Variants in HEXB observed in about 807,000 individuals in gnomAD.
HEXB encodes the protein beta-hexosaminidase subunit beta.
Under a neutral mutation model 71.2 loss-of-function variants are expected in HEXB, and 51 were observed. The ratio of observed to expected loss-of-function variants is 0.72; its 90% CI spans 0.57 to 0.90. The LOEUF (loss-of-function observed/expected upper bound fraction) is 0.90. HEXB is among the 40% of genes least tolerant of loss of function. The probability of loss-of-function intolerance (pLI) is 0.00; values close to 1 mark genes in which losing one functional copy is unlikely to be tolerated. For missense variants in HEXB, 617 were observed against 677.0 expected, an observed-to-expected ratio of 0.91 and a Z score of 0.98; for synonymous variants, 266 against 249.3, an observed-to-expected ratio of 1.07 and a Z score of -0.63.
At chr5:74,711,978 A>G (rs1749553607) in intron 6 of HEXB, among the ~76,000 whole-genome samples, 1 of 148,080 alleles carries the variant, frequency 6.8e-6, no homozygotes, top group Non-Finnish European at 1.5e-5. Context: ...AGACACATGC[A>G]CACGTATGTT....
intron 1 of HEXB, among the ~76,000 whole-genome samples, chr5:74,679,297 G>T (rs1409553087): frequency 6.6e-6 from 1 of 152,210 alleles, no homozygotes; most frequent in African/African-American, 2.4e-5. Flanking sequence ...GGCTTGAAGA[G>T]ACTCACTTTA....
intron 6 of HEXB, among the ~76,000 whole-genome samples, chr5:74,711,380 G>C (rs1330151906): frequency 9.3e-5 from 14 of 150,244 alleles, no homozygotes; most frequent in Admixed American, 3.3e-4. Context: ...CATGGGCAAG[G>C]ACTTCATGTC....
Position 74,718,842 on chromosome 5 carries a change from C to G in HEXB, c.1288C>G (p.Pro430Ala). The G allele has an allele frequency of 6.2e-7, 1 of 1,614,078 alleles. No homozygotes were observed. ...TGAAGTATGGAAAGACAGCGCATAT[C>G]CTGAGGAACTCAGTAGAGTCACAGC... ...IVEVWKDSAY[P>A]EELSRVTASG... is the part of the protein sequence containing the mutation. Residue 430 changes from proline to alanine, a missense_variant, in exon 11 of 14, where the codon CCT becomes GCT. By Grantham distance (27) the Pro-to-Ala change is conservative. Transcript: ENST00000261416.
chr5:74,716,589 A>C lies in HEXB; in HGVS notation c.1085A>C (p.Glu362Ala), dbSNP rs370165925. ...GGDEVEFKCW[E>A]SNPKIQDFMR... is the part of the protein sequence containing the mutation. Reference sequence around the variant, plus strand: ...ATTTTAATCACTTTTTGCTTCAGGGAATCAAATCCAAAAATTCAAGATTTC... The same window carrying C: ...ATTTTAATCACTTTTTGCTTCAGGGCATCAAATCCAAAAATTCAAGATTTC... Residue 362 changes from glutamate to alanine, a missense_variant and splice_region_variant, in exon 9 of 14, where the codon GAA (glutamate) becomes GCA (alanine). Physicochemically the swap from Glu to Ala is moderately radical, Grantham distance 107. Coordinates refer to ENST00000261416, the MANE Select transcript of HEXB (RefSeq NM_000521.4). The C allele has an allele frequency of 4.9e-5, 78 of 1,598,112 alleles. No individual in the cohort carries two copies. The highest frequency in any genetic ancestry group is 6.5e-5 in the Non-Finnish European group (76 of 1,167,954).
intron 1 of HEXB, among the ~76,000 whole-genome samples, chr5:74,643,640 G>A (rs1294553788): frequency 1.3e-5 from 2 of 152,174 alleles, no homozygotes; most frequent in African/African-American, 2.4e-5. Context: ...TTGTTAGGCC[G>A]CAAAATAAGC....
intron 1 of HEXB, among the ~76,000 whole-genome samples, chr5:74,658,942 C>T (rs1168216988): frequency 6.6e-6 from 1 of 152,134 alleles, no homozygotes; most frequent in Non-Finnish European, 1.5e-5. Flanking sequence ...CCTTGAGCCT[C>T]ACAGTTTGGC....
intron 1 of HEXB, among the ~76,000 whole-genome samples, chr5:74,654,010 G>A (rs949325406): frequency 2.6e-5 from 4 of 152,016 alleles, no homozygotes; most frequent in Admixed American, 6.6e-5. Context: ...TCCTATGGAC[G>A]CCAGCTTGAG....
At chr5:74,709,167 C>T (rs1447237690) in intron 6 of HEXB, among the ~76,000 whole-genome samples, 1 of 152,214 alleles carries the variant, frequency 6.6e-6, no homozygotes, top group African/African-American at 2.4e-5. Context: ...TACATGGAAA[C>T]TGAACAACCT....
chr5:74,669,878 G>T lies in HEXB; in HGVS notation c.-376-19450G>T, dbSNP rs7702691. Among the ~76,000 whole-genome samples the T allele has an allele frequency of 6.0e-4, 92 of 152,298 alleles. No homozygotes were observed. In the East Asian group the frequency reaches 0.014, roughly 22 times the overall value. ...GGAGAAAAAGAACTAGAAGGTAGTG[G>T]GCGATGCAGAGACAGGCCAGGAGCC... On this transcript the variant is annotated intron_variant, in intron 1 of 13. Transcript: ENST00000511181.
intron 1 of HEXB, among the ~76,000 whole-genome samples, chr5:74,644,764 CTTTTTTT>C (rs3058406): frequency 1.0e-3 from 73 of 72,950 alleles, no homozygotes; most frequent in African/African-American, 3.5e-3. Flanking sequence ...CTTTTTTTTC[CTTTTTTT>C]TTTTTTTTTT....
chr5:74,704,214 G>A (rs373220168), intron 5 of HEXB, among the ~76,000 whole-genome samples: 2 of 152,238 alleles, frequency 1.3e-5, no homozygotes. Flanking sequence ...CCTTCTCTGA[G>A]AGTGAAAACC....
chr5:74,718,620 T>G (rs944178121), intron 10 of HEXB, among the ~76,000 whole-genome samples, 177 bp from the exon 11 acceptor site: 1 of 152,214 alleles, frequency 6.6e-6, no homozygotes, highest in East Asian at 1.9e-4. Context: ...ATGAAACTTT[T>G]AAGTCCCTAA....
At chr5:74,702,582 T>A (rs1409403864) in intron 5 of HEXB, among the ~76,000 whole-genome samples, 1 of 152,256 alleles carries the variant, frequency 6.6e-6, no homozygotes, top group Non-Finnish European at 1.5e-5. Context: ...TGTTCACTTA[T>A]AACTTGCCTA....
intron 8 of HEXB, 39 bp downstream of exon 8, chr5:74,715,729 A>AG: frequency 4.9e-6 from 7 of 1,424,416 alleles, no homozygotes; most frequent in South Asian, 2.3e-5. Flanking sequence ...AAAAAAAAAA[A>AG]AGAGAGGCTG....
At chr5:74,654,856 T>C (rs1455690556) in intron 1 of HEXB, among the ~76,000 whole-genome samples, 1 of 152,122 alleles carries the variant, frequency 6.6e-6, no homozygotes, top group Non-Finnish European at 1.5e-5. Flanking sequence ...GGGGCTACAC[T>C]AAGAGAGAGG....
intron 6 of HEXB, among the ~76,000 whole-genome samples, chr5:74,710,316 C>G (rs897218670): frequency 7.9e-5 from 12 of 151,306 alleles, no homozygotes; most frequent in African/African-American, 2.4e-4. Flanking sequence ...CTATGACAAA[C>G]CCCCAGCCAA....
At chr5:74,685,143 C>T, upstream of HEXB, 14 of 1,115,822 alleles carry the variant, frequency 1.3e-5, no homozygotes, top group Non-Finnish European at 1.6e-5. Flanking sequence ...GGCGGGCGCG[C>T]GCAGTCATCT....
At chr5:74,668,775 T>C (rs17560807) in intron 1 of HEXB, among the ~76,000 whole-genome samples, 6,356 of 152,312 alleles carry the variant, frequency 0.042, 200 homozygotes, top group Admixed American at 0.076. Context: ...TGGTCTCCAA[T>C]CTTGAGTGAT....
intron 5 of HEXB, among the ~76,000 whole-genome samples, chr5:74,697,658 G>C (rs533329098): frequency 4.7e-4 from 71 of 150,620 alleles, no homozygotes; most frequent in African/African-American, 1.7e-3. Context: ...CCCTCCCCGG[G>C]TGGAGGTTGC....
Sources: gnomAD v4.1 joint callset for allele counts (sites outside exome capture counted in the v4.1 genomes callset) on GRCh38, gnomAD v4.1.1 for gene constraint, MANE v1.5 for transcripts, NCBI Gene and HGNC (gene_info 2026-07-23, HGNC 2026-07-21) for gene names.